Variants in ARHGEF17 observed in about 807,000 individuals in gnomAD.
ARHGEF17 encodes Rho guanine nucleotide exchange factor 17, also known as 164 kDa Rho-specific guanine-nucleotide exchange factor.
ARHGEF17 carries 80 observed loss-of-function variants against 174.0 expected under a neutral mutation model. The ratio of observed to expected loss-of-function variants is 0.46; its 90% CI spans 0.38 to 0.55. The LOEUF is 0.55. Ranked by LOEUF, ARHGEF17 falls within the 20% of genes least tolerant of loss-of-function variation. The pLI, the probability that ARHGEF17 is intolerant of heterozygous loss-of-function variation, is 0.00. For missense variants in ARHGEF17, 2,886 were observed against 2,839.7 expected (o/e 1.02, Z -0.37); for synonymous variants, 1,311 against 1,189.1 (o/e 1.10, Z -2.11).
chr11:73,310,005 G>T lies in ARHGEF17; in HGVS notation c.1367G>T (p.Ser456Ile), dbSNP rs1282827259. Residue 456 changes from serine to isoleucine, a missense_variant, in exon 1 of 21, where the codon AGT (serine) becomes ATT (isoleucine). By Grantham distance (142) the Ser-to-Ile change is moderately radical. Coordinates refer to ENST00000263674, the MANE Select transcript of ARHGEF17 (RefSeq NM_014786.4). ...GATGGAGGATTTGAGCCTGAAAAGA[G>T]TCGACAGCGGAAGTCCCTGTCAAAT... ...LRDGGFEPEK[S>I]RQRKSLSNPD... is the part of the protein sequence containing the mutation. 1 of 1,614,116 alleles carries T rather than the reference G, an allele frequency of 6.2e-7. No homozygotes were observed. Among genetic ancestry groups the T allele is most frequent in the Non-Finnish European group, 8.5e-7 (1 of 1,180,014 alleles).
Position 73,356,365 on chromosome 11 carries a change from G to GCCCCCCCCCCCCCCCC in ARHGEF17, c.3840+18_3840+19insCCCCCCCCCCCCCCCC. 1 of 1,593,358 alleles carries GCCCCCCCCCCCCCCCC rather than the reference G, an allele frequency of 6.3e-7. No individual in the cohort carries two copies. On this transcript the variant is annotated intron_variant, in intron 6 of 20. Coordinates refer to ENST00000263674, the MANE Select transcript of ARHGEF17 (RefSeq NM_014786.4). ...GGCATGGAGGATGTGCGTGCGCCCT[G>GCCCCCCCCCCCCCCCC]CCCCACCCCACCCTACCCCACCCCA...
intron 16 of ARHGEF17, 30 bp from the exon 17 acceptor site, chr11:73,364,142 C>T: frequency 6.2e-7 from 1 of 1,613,006 alleles, no homozygotes; most frequent in Non-Finnish European, 8.5e-7. Context: ...TGCCTGAACT[C>T]CCTTACTGCT....
chr11:73,336,929 A>G lies in ARHGEF17; in HGVS notation c.3193-9954A>G, dbSNP rs914814567. 7.2e-5 allele frequency among the ~76,000 whole-genome samples: 11 copies of G among 152,346 alleles called. No individual in the cohort carries two copies. The East Asian group carries it at 9.6e-4, about 13-fold the overall frequency. On this transcript the variant is annotated intron_variant, in intron 1 of 20. Coordinates refer to ENST00000263674, the MANE Select transcript of ARHGEF17 (RefSeq NM_014786.4). ...TGCATGTGGCCTGGGCTTCCCCACAACGTGGAGGCTGGGTTTCAAGAATGA... is the reference window on the plus strand; with the variant it reads ...TGCATGTGGCCTGGGCTTCCCCACAGCGTGGAGGCTGGGTTTCAAGAATGA...
rs187416174 is a variant in ARHGEF17, at chr11:73,348,793, T to C, written c.3270+1833T>C. On this transcript the variant is annotated intron_variant, in intron 2 of 20. Transcript: ENST00000263674. ...ATATGTATTTTACCATAAAATACAA[T>C]GCGTTTGTTTATTGTTTTTAAAAAG... Among the ~76,000 whole-genome samples, 20 of 152,346 alleles carry C rather than the reference T, an allele frequency of 1.3e-4. No homozygotes were observed. In the East Asian group the frequency reaches 3.3e-3, roughly 25 times the overall value.
At chr11:73,342,593 G>T (rs1431950171) in intron 1 of ARHGEF17, among the ~76,000 whole-genome samples, 1 of 152,126 alleles carries the variant, frequency 6.6e-6, no homozygotes, top group East Asian at 1.9e-4. Flanking sequence ...CTGAGGGCAG[G>T]TTTCCATGAA....
intron 1 of ARHGEF17, among the ~76,000 whole-genome samples, chr11:73,327,018 C>G (rs902352521): frequency 6.6e-6 from 1 of 152,232 alleles, no homozygotes; most frequent in Non-Finnish European, 1.5e-5. Context: ...GCCAGGCTCC[C>G]TGGGCAGGGG....
At chr11:73,313,357 TCCTCCCCAG>T (rs1864873602) in intron 1 of ARHGEF17, among the ~76,000 whole-genome samples, 1 of 152,154 alleles carries the variant, frequency 6.6e-6, no homozygotes, top group African/African-American at 2.4e-5. Flanking sequence ...GTCAGGGGTC[TCCTCCCCAG>T]CCTCCTTTCC....
intron 1 of ARHGEF17, among the ~76,000 whole-genome samples, chr11:73,339,972 G>A (rs772562357): frequency 6.6e-6 from 1 of 152,128 alleles, no homozygotes; most frequent in Non-Finnish European, 1.5e-5. Context: ...CTATACAACT[G>A]CACATACCCC....
intron 5 of ARHGEF17, 24 bp downstream of exon 5, chr11:73,355,977 A>G: frequency 6.2e-7 from 1 of 1,613,770 alleles, no homozygotes; most frequent in Non-Finnish European, 8.5e-7. Context: ...TGGGTGGGCA[A>G]GTGGGCAAGG....
chr11:73,346,933 T>C lies in ARHGEF17; in HGVS notation c.3243T>C (p.Tyr1081=), dbSNP rs750782325. Residue 1081 remains tyrosine (Y), a synonymous_variant, in exon 2 of 21, where the codon TAT becomes TAC. Coordinates refer to ENST00000263674, the MANE Select transcript of ARHGEF17 (RefSeq NM_014786.4). The stretch of plus-strand genomic sequence containing the variant: ...CCCTGCTGGACACAGAGCAGTCGTA[T>C]GTGGAGTCGCTGCGCACCCTGATGC... ...AMTLLDTEQS[Y]VESLRTLMQG... The C allele has an allele frequency of 1.9e-6, 3 of 1,570,482 alleles. No individual in the cohort carries two copies. The highest frequency in any genetic ancestry group is 2.7e-5 in the African/African-American group (2 of 73,878).
chr11:73,316,337 C>T (rs1864929295), intron 1 of ARHGEF17, among the ~76,000 whole-genome samples: 1 of 152,224 alleles, frequency 6.6e-6, no homozygotes, highest in African/African-American at 2.4e-5. Flanking sequence ...CCTGGGAATA[C>T]AGCAGCAAAC....
At chr11:73,315,792 T>A (rs1331161876) in intron 1 of ARHGEF17, among the ~76,000 whole-genome samples, 3 of 151,916 alleles carry the variant, frequency 2.0e-5, no homozygotes, top group Non-Finnish European at 4.4e-5. Flanking sequence ...CGAGGAAGGG[T>A]TGGGGGATGG....
At chr11:73,337,545 G>C (rs1462857128) in intron 1 of ARHGEF17, among the ~76,000 whole-genome samples, 1 of 152,022 alleles carries the variant, frequency 6.6e-6, no homozygotes, top group African/African-American at 2.4e-5. Flanking sequence ...TCAGCCTCCT[G>C]AGTAGCTGGG....
rs1865829838 is a variant in ARHGEF17 at position 73,365,909 on chromosome 11, A to C, written c.5957A>C (p.Asn1986Thr). 1.2e-6 allele frequency: 2 copies of C among 1,607,268 alleles called. No individual in the cohort carries two copies. The highest frequency in any genetic ancestry group is 1.7e-6 in the Non-Finnish European group (2 of 1,179,946). ...GCAGTCCAGCTGCCAGATGGCTTCA[A>C]CCTGCTCTGCCCAACCCCACCACCT... The part of the protein sequence containing the change: ...LAAVQLPDGF[N>T]LLCPTPPPPP... The change falls in exon 20 of 21, where the codon AAC (asparagine) becomes ACC (threonine). Residue 1986 changes from asparagine to threonine, a missense_variant. Physicochemically the swap from Asn to Thr is moderately conservative, Grantham distance 65. Transcript: ENST00000263674. The surrounding 1 kb of genome is among the most constrained non-coding windows in gnomAD (Gnocchi z 4.9).
At chr11:73,352,597 C>G (rs1865572336) in intron 2 of ARHGEF17, among the ~76,000 whole-genome samples, 1 of 152,230 alleles carries the variant, frequency 6.6e-6, no homozygotes, top group Non-Finnish European at 1.5e-5. Flanking sequence ...AAACCTCTTC[C>G]TGAGCGTCCT....
In ARHGEF17 at chr11:73,308,686, C is replaced by T. The variant is rs1029469355; in HGVS notation, c.48C>T (p.Phe16=). The change falls in exon 1 of 21, where the codon TTC becomes TTT. Residue 16 remains phenylalanine (F), a synonymous_variant. Coordinates refer to ENST00000263674, the MANE Select transcript of ARHGEF17 (RefSeq NM_014786.4). ...PRPQLYRSVS[F]KLLERWSGGP... ...CCCAGCTTTACCGCAGCGTCTCGTT[C>T]AAGCTGCTGGAGCGCTGGAGCGGCG... 8 of 1,520,824 alleles carry T rather than the reference C, an allele frequency of 5.3e-6. No individual in the cohort carries two copies. Among genetic ancestry groups the T allele is most frequent in the Non-Finnish European group, 7.0e-6 (8 of 1,137,488 alleles). 94.2% of individuals were successfully genotyped at this position (1,520,824 alleles called of 1,614,324 possible).
Position 73,309,091 on chromosome 11 carries a change from C to G in ARHGEF17, c.453C>G (p.Pro151=), listed in dbSNP as rs1360182257. The change falls in exon 1 of 21, where the codon CCC becomes CCG. Residue 151 remains proline, a synonymous_variant. Coordinates refer to ENST00000263674, the MANE Select transcript of ARHGEF17 (RefSeq NM_014786.4). ...CCGACTCTGAATCCCCAGGAACGCC[C>G]AGCCCCGACGGTGCCGCGTGGGAGC... The part of the protein sequence containing the change: ...PSADSESPGT[P]SPDGAAWEPP... 3 of 1,544,070 alleles carry G rather than the reference C, an allele frequency of 1.9e-6. No individual in the cohort carries two copies. The highest frequency in any genetic ancestry group is 2.8e-5 in the African/African-American group (2 of 70,344).
At chr11:73,354,715 CAAAA>C (rs369363433) in intron 3 of ARHGEF17, among the ~76,000 whole-genome samples, 3 of 91,566 alleles carry the variant, frequency 3.3e-5, no homozygotes, top group Non-Finnish European at 4.4e-5. Flanking sequence ...GACTCCGTCT[CAAAA>C]AAAAAAAAAA....
chr11:73,311,977 T>A, intron 1 of ARHGEF17, 147 bp downstream of exon 1: 2 of 904,052 alleles, frequency 2.2e-6, no homozygotes, highest in Non-Finnish European at 3.3e-6. Flanking sequence ...TGTGCAGTTT[T>A]AAGAGTTGTT....
Sources: gnomAD v4.1 joint callset for allele counts (sites outside exome capture counted in the v4.1 genomes callset) on GRCh38, gnomAD v4.1.1 for gene constraint, Gnocchi (gnomAD v3.1) non-coding constraint, MANE v1.5 for transcripts, NCBI Gene and HGNC (gene_info 2026-07-23, HGNC 2026-07-21) for gene names.